Variants in NFIB observed in about 807,000 individuals in gnomAD.
NFIB encodes nuclear factor I B, also known as nuclear factor 1 B-type.
Under a neutral mutation model 61.5 loss-of-function variants are expected in NFIB, and 11 were observed. That is an observed-to-expected ratio of 0.18 (90% CI 0.11 to 0.30). NFIB has a LOEUF of 0.30. Ranked by LOEUF, NFIB falls within the 10% of genes least tolerant of loss-of-function variation. The probability of loss-of-function intolerance (pLI) is 1.00; values close to 1 mark genes in which losing one functional copy is unlikely to be tolerated. For synonymous variants in NFIB, 260 were observed against 216.5 expected (o/e 1.20, Z -1.76); for missense variants, 471 against 608.9 (o/e 0.77, Z 2.38).
At chr9:14,309,931 C>T (rs1278789450) in intron 1 of NFIB, among the ~76,000 whole-genome samples, 2 of 152,138 alleles carry the variant, frequency 1.3e-5, no homozygotes, top group Non-Finnish European at 2.9e-5. Context: ...TTTACCCTTG[C>T]CATGCTTTTT....
the NFIB span, among the ~76,000 whole-genome samples, chr9:14,478,923 C>T: frequency 6.6e-6 from 1 of 152,156 alleles, no homozygotes. Flanking sequence ...GTATTCATTC[C>T]CATCACCAGG....
At chr9:14,109,122 G>A (rs980201308) in intron 10 of NFIB, among the ~76,000 whole-genome samples, 3 of 152,024 alleles carry the variant, frequency 2.0e-5, no homozygotes, top group African/African-American at 7.2e-5. Context: ...AACTCACTAT[G>A]AGGTAGACCA....
At chr9:14,315,148 C>G (rs1042680821), upstream of NFIB, among the ~76,000 whole-genome samples, 7 of 151,880 alleles carry the variant, frequency 4.6e-5, no homozygotes, top group Non-Finnish European at 8.8e-5. Flanking sequence ...CGGCGTGGAC[C>G]AGGGGGGTGC....
At chr9:14,204,014 T>G (rs1164739766) in intron 2 of NFIB, among the ~76,000 whole-genome samples, 4 of 152,180 alleles carry the variant, frequency 2.6e-5, no homozygotes, top group African/African-American at 7.2e-5. Context: ...GCCAACACTT[T>G]CCCATTTGCA....
chr9:14,470,900 G>A, the NFIB span, among the ~76,000 whole-genome samples: 1 of 152,150 alleles, frequency 6.6e-6, no homozygotes, highest in Admixed American at 6.5e-5. Flanking sequence ...GGATGGAGAA[G>A]ATGAACTCTA....
chr9:14,281,073 T>C (rs2058341838), intron 2 of NFIB, among the ~76,000 whole-genome samples: 1 of 152,190 alleles, frequency 6.6e-6, no homozygotes, highest in South Asian at 2.1e-4. Context: ...CCCTCTCAAA[T>C]GGTTGTGAGA....
At chr9:14,182,577 T>G (rs1301651578) in intron 2 of NFIB, among the ~76,000 whole-genome samples, 1 of 152,056 alleles carries the variant, frequency 6.6e-6, no homozygotes, top group African/African-American at 2.4e-5. Flanking sequence ...GAGAAGGAAT[T>G]ATTCAGACCA....
At position 14,118,416 on chromosome 9, in the gene NFIB, C is replaced by T. The variant is rs76180699; in HGVS notation, c.1245+2024G>A. Among the ~76,000 whole-genome samples, 441 of 152,158 alleles carry T rather than the reference C, an allele frequency of 2.9e-3. 1 individual carries two copies. The highest frequency in any genetic ancestry group is 0.01 in the African/African-American group (424 of 41,540). On this transcript the variant is annotated intron_variant, in intron 8 of 10. Coordinates refer to ENST00000380953, the MANE Select transcript of NFIB (RefSeq NM_001190737.2). Reference sequence around the variant, plus strand: ...TACCCTGACCATTCTACAAACTTCACCTACTGGAATTGAACAACATGAACT... The same window carrying T: ...TACCCTGACCATTCTACAAACTTCATCTACTGGAATTGAACAACATGAACT...
At chr9:14,458,765 C>A in the NFIB span, among the ~76,000 whole-genome samples, 28 of 152,174 alleles carry the variant, frequency 1.8e-4, no homozygotes, top group Non-Finnish European at 3.8e-4. Context: ...CTCCCATTCA[C>A]AATTGCTTCA....
chr9:14,140,368 A>T (rs2131038703), intron 6 of NFIB, among the ~76,000 whole-genome samples: 1 of 152,316 alleles, frequency 6.6e-6, no homozygotes, highest in South Asian at 2.1e-4. Flanking sequence ...GGTTTGGACT[A>T]GAGCACTGTG....
chr9:14,191,056 A>G (rs1397585937), intron 2 of NFIB, among the ~76,000 whole-genome samples: 1 of 151,860 alleles, frequency 6.6e-6, no homozygotes, highest in Non-Finnish European at 1.5e-5. Context: ...AGCTGGGCGT[A>G]GTGGTGGGTG....
intron 2 of NFIB, among the ~76,000 whole-genome samples, chr9:14,231,131 AAAAAATATATATATATATAT>A (rs1435993598): frequency 1.3e-5 from 1 of 75,466 alleles, no homozygotes; most frequent in East Asian, 3.5e-4. Flanking sequence ...AAAAAAAAAA[AAAAAATATATATATATATAT>A]ATATATATAT....
At chr9:14,426,711 G>A in the NFIB span, among the ~76,000 whole-genome samples, 14 of 152,230 alleles carry the variant, frequency 9.2e-5, no homozygotes, top group Middle Eastern at 3.4e-3. Context: ...GAGCACCCAG[G>A]AGGACATTCA....
intron 1 of NFIB, among the ~76,000 whole-genome samples, chr9:14,366,528 C>T (rs1173020232): frequency 6.6e-6 from 1 of 151,884 alleles, no homozygotes; most frequent in Non-Finnish European, 1.5e-5. Flanking sequence ...CTCTGTCAAC[C>T]AGGCTGGAGT....
chr9:14,174,708 A>T (rs532149823), intron 3 of NFIB, among the ~76,000 whole-genome samples: 219 of 150,150 alleles, frequency 1.5e-3, no homozygotes, highest in Non-Finnish European at 2.8e-3. Context: ...CAGAGGTTGC[A>T]GTGAGCCGAG....
the NFIB span, among the ~76,000 whole-genome samples, chr9:14,443,185 G>A: frequency 6.6e-6 from 1 of 151,976 alleles, no homozygotes; most frequent in Non-Finnish European, 1.5e-5. Context: ...GATCAGTCGG[G>A]CAGTGCCAAA....
chr9:14,226,579 A>C (rs2052453095), intron 2 of NFIB, among the ~76,000 whole-genome samples: 2 of 152,124 alleles, frequency 1.3e-5, no homozygotes, highest in Non-Finnish European at 2.9e-5. Context: ...TGAATATATA[A>C]GCATATTAGT....
chr9:14,108,321 AC>A (rs1166841868), intron 10 of NFIB, among the ~76,000 whole-genome samples: 1 of 152,068 alleles, frequency 6.6e-6, no homozygotes, highest in East Asian at 1.9e-4. Context: ...ATAAATGACT[AC>A]CTTTCCAATG....
rs186702937 is a variant in NFIB, at chr9:14,191,098, T to C, written c.563-11318A>G. Among the ~76,000 whole-genome samples the C allele has an allele frequency of 6.5e-4, 99 of 152,112 alleles. 1 individual carries two copies. The Middle Eastern group carries it at 0.014, about 21-fold the overall frequency. The stretch of plus-strand genomic sequence containing the variant: ...GTCCCAGCTACTTGGGAGGCTGAAG[T>C]GGGAGGATCACCTGAGGTCAGGAGT... On this transcript the variant is annotated intron_variant, in intron 2 of 10. Coordinates refer to ENST00000380953, the MANE Select transcript of NFIB (RefSeq NM_001190737.2).
Sources: allele counts gnomAD v4.1 joint callset (sites outside exome capture counted in the v4.1 genomes callset), GRCh38; gene constraint gnomAD v4.1.1; transcripts MANE v1.5; gene names NCBI Gene and HGNC (gene_info 2026-07-23, HGNC 2026-07-21).